Variants in NCAM2 observed in about 807,000 individuals in gnomAD.
NCAM2 encodes neural cell adhesion molecule 2.
A neutral mutation model predicts 98.1 loss-of-function variants in NCAM2; 30 were observed. That is an observed-to-expected ratio of 0.31 (90% confidence interval 0.23 to 0.41). The LOEUF is 0.41. Among genes scored for constraint, NCAM2 ranks in the 10% least tolerant of loss-of-function variants. NCAM2 has a pLI of 1.00. For missense variants in NCAM2, 867 were observed against 1,005.8 expected (o/e 0.86, Z 1.87); for synonymous variants, 368 against 342.4 (o/e 1.07, Z -0.83).
chr21:21,133,923 C>T (rs1253961862), intron 1 of NCAM2, among the ~76,000 whole-genome samples: 8 of 152,104 alleles, frequency 5.3e-5, no homozygotes, highest in Non-Finnish European at 1.2e-4. Flanking sequence ...TGAAGTAACA[C>T]TGGGTAGATG....
At chr21:21,495,127 T>TG (rs199656234) in intron 15 of NCAM2, among the ~76,000 whole-genome samples, 4 of 150,956 alleles carry the variant, frequency 2.6e-5, no homozygotes, top group Admixed American at 1.3e-4. Context: ...AGGGCGGCCA[T>TG]GGGGGGCTAC....
chr21:21,379,713 T>C (rs1290706088), intron 9 of NCAM2, among the ~76,000 whole-genome samples: 1 of 152,106 alleles, frequency 6.6e-6, no homozygotes, highest in Non-Finnish European at 1.5e-5. Context: ...AAAGCACATA[T>C]ATTCTGTAGT....
chr21:21,366,103 A>C (rs1427471655), intron 8 of NCAM2, among the ~76,000 whole-genome samples: 1 of 152,066 alleles, frequency 6.6e-6, no homozygotes, highest in Non-Finnish European at 1.5e-5. Context: ...AAGCATAGAG[A>C]AGAATGTTCC....
intron 1 of NCAM2, among the ~76,000 whole-genome samples, chr21:21,196,301 G>A (rs2069002703): frequency 6.6e-6 from 1 of 152,158 alleles, no homozygotes; most frequent in Non-Finnish European, 1.5e-5. Context: ...ACTGATTGAG[G>A]CTGGGCAAAA....
At chr21:21,129,662 A>G (rs933904775) in intron 1 of NCAM2, among the ~76,000 whole-genome samples, 1 of 152,138 alleles carries the variant, frequency 6.6e-6, no homozygotes, top group Non-Finnish European at 1.5e-5. Flanking sequence ...AGTTGGTGCT[A>G]GCTAGCTCAC....
chr21:21,211,185 C>T (rs921804088), intron 1 of NCAM2, among the ~76,000 whole-genome samples: 3 of 152,148 alleles, frequency 2.0e-5, no homozygotes, highest in Admixed American at 6.5e-5. Flanking sequence ...ACCATCTCCT[C>T]CCCGAATACG....
At chr21:21,355,709 G>T (rs1463164493) in intron 8 of NCAM2, among the ~76,000 whole-genome samples, 1 of 151,582 alleles carries the variant, frequency 6.6e-6, no homozygotes, top group South Asian at 2.1e-4. Context: ...TCTGCCTCCC[G>T]AGTTCAAATG....
At chr21:21,281,169 A>G (rs540628037) in intron 2 of NCAM2, among the ~76,000 whole-genome samples, 1 of 152,218 alleles carries the variant, frequency 6.6e-6, no homozygotes, top group African/African-American at 2.4e-5. Context: ...TATTTTTGTT[A>G]ATTTGTTAAT....
intron 16 of NCAM2, among the ~76,000 whole-genome samples, chr21:21,530,102 T>C (rs1037572088): frequency 1.3e-5 from 1 of 78,452 alleles, no homozygotes; most frequent in Admixed American, 1.5e-4. Flanking sequence ...AATTTAATTA[T>C]ATATAATTTA....
chr21:21,217,666 G>A (rs1199542593), intron 1 of NCAM2, among the ~76,000 whole-genome samples: 1 of 152,096 alleles, frequency 6.6e-6, no homozygotes, highest in East Asian at 1.9e-4. Context: ...AACTAGAGAG[G>A]TTATTCTGGA....
rs1412898101 is a variant in NCAM2, at chr21:21,230,941, G to A, written c.56-49637G>A. ...ACTGGAATATTTTATTATAGAAAGA[G>A]ATAATGAGAGATATGTAGACACAAT... On this transcript the variant is annotated intron_variant, in intron 1 of 17. Transcript: ENST00000400546. 3.3e-5 allele frequency among the ~76,000 whole-genome samples: 5 copies of A among 151,402 alleles called. No individual in the cohort carries two copies. The East Asian group carries it at 9.7e-4, about 29-fold the overall frequency.
At chr21:21,475,012 A>T (rs1984978797) in intron 14 of NCAM2, among the ~76,000 whole-genome samples, 1 of 146,280 alleles carries the variant, frequency 6.8e-6, no homozygotes, top group African/African-American at 2.5e-5. Context: ...ACATTATAAT[A>T]CATATATATA....
chr21:21,541,952 T>C lies in NCAM2; in HGVS notation c.*3995T>C, dbSNP rs1003514062. ...TATCTTTAGAGAGAAAATATTTGCA[T>C]CTGTTTATTTACCCTTTGAAGCATT... On this transcript the variant is annotated 3_prime_UTR_variant, in exon 18 of 18. Transcript: ENST00000400546. 1 of 151,850 alleles carries C rather than the reference T, an allele frequency of 6.6e-6. No homozygotes were observed. The highest frequency in any genetic ancestry group is 1.5e-5 in the Non-Finnish European group (1 of 67,806). The allele number at this position is 151,850 out of a possible 1,614,324, so 9.4% of individuals were successfully genotyped here. A position where few individuals can be genotyped will look rare whatever the true frequency, so the allele number is the denominator to read the frequency against.
chr21:21,264,428 A>G (rs559867865), intron 1 of NCAM2, among the ~76,000 whole-genome samples: 3 of 152,098 alleles, frequency 2.0e-5, no homozygotes, highest in Non-Finnish European at 4.4e-5. Flanking sequence ...CCAATAGAAA[A>G]CAGTCTGGAG....
intron 1 of NCAM2, among the ~76,000 whole-genome samples, chr21:21,235,703 T>C (rs901808177): frequency 1.1e-4 from 16 of 152,016 alleles, no homozygotes; most frequent in African/African-American, 2.2e-4. Flanking sequence ...GATGAAACTT[T>C]ATCTAGCACC....
intron 5 of NCAM2, among the ~76,000 whole-genome samples, chr21:21,308,445 C>T (rs1196990575): frequency 1.3e-5 from 2 of 151,984 alleles, no homozygotes; most frequent in African/African-American, 4.8e-5. Context: ...CATTATGAAT[C>T]ATTATGTTTG....
chr21:21,166,608 A>G (rs769374524), intron 1 of NCAM2, among the ~76,000 whole-genome samples: 1 of 152,180 alleles, frequency 6.6e-6, no homozygotes, highest in African/African-American at 2.4e-5. Flanking sequence ...AATAAGAGTC[A>G]GGAGACTCTT....
intron 1 of NCAM2, among the ~76,000 whole-genome samples, chr21:21,095,979 T>A (rs1267297959): frequency 6.6e-6 from 1 of 151,654 alleles, no homozygotes; most frequent in Non-Finnish European, 1.5e-5. Context: ...TTGAGTCAGA[T>A]ATGTATCAAA....
chr21:21,356,808 T>TTTGTCTCGAATA (rs1158526142), intron 8 of NCAM2, among the ~76,000 whole-genome samples: 1 of 152,002 alleles, frequency 6.6e-6, no homozygotes, highest in Non-Finnish European at 1.5e-5. Flanking sequence ...GTGGCCAACA[T>TTTGTCTCGAATA]GGAGAAATCC....
Sources: allele counts gnomAD v4.1 joint callset (sites outside exome capture counted in the v4.1 genomes callset), GRCh38; gene constraint gnomAD v4.1.1; transcripts MANE v1.5; gene names NCBI Gene and HGNC (gene_info 2026-07-23, HGNC 2026-07-21).